Variants in NRCAM observed in about 807,000 individuals in gnomAD.
The protein encoded by NRCAM is neuronal cell adhesion molecule.
Under a neutral mutation model 156.5 loss-of-function variants are expected in NRCAM, and 83 were observed. The ratio of observed to expected loss-of-function variants is 0.53; its 90% CI spans 0.44 to 0.64. The LOEUF is 0.64. Among genes scored for constraint, NRCAM ranks in the 30% least tolerant of loss-of-function variants. The pLI is 0.00. For missense variants in NRCAM, 1,417 were observed against 1,597.3 expected (o/e 0.89, Z 1.92); for synonymous variants, 538 against 563.9 (o/e 0.95, Z 0.65).
intron 3 of NRCAM, among the ~76,000 whole-genome samples, chr7:108,256,938 G>A (rs1025957800): frequency 1.3e-5 from 2 of 151,358 alleles, no homozygotes; most frequent in African/African-American, 4.9e-5. Context: ...GAACCCGGGA[G>A]GTGGAGGTTG....
chr7:108,155,139 CACACATAT>C (rs1349326541), intron 32 of NRCAM, among the ~76,000 whole-genome samples: 28 of 115,718 alleles, frequency 2.4e-4, no homozygotes, highest in African/African-American at 1.1e-3. Context: ...CACACACACA[CACACATAT>C]AGCAGACCTT....
At chr7:108,231,267 C>T (rs999925219) in intron 7 of NRCAM, 114 bp from the exon 8 acceptor site, 5 of 667,644 alleles carry the variant, frequency 7.5e-6, no homozygotes, top group African/African-American at 3.8e-5. Context: ...AATTTATGTA[C>T]ACTAAATTAA....
intron 11 of NRCAM, among the ~76,000 whole-genome samples, chr7:108,215,539 G>A (rs1027876662): frequency 1.3e-5 from 2 of 152,062 alleles, no homozygotes; most frequent in Non-Finnish European, 2.9e-5. Context: ...TTGTGTGGGA[G>A]TCTAAGTGTC....
At chr7:108,259,193 C>T (rs1489983889) in intron 3 of NRCAM, among the ~76,000 whole-genome samples, 3 of 152,204 alleles carry the variant, frequency 2.0e-5, no homozygotes, top group African/African-American at 7.2e-5. Context: ...CTTTTATAAG[C>T]ATACTCATCA....
intron 3 of NRCAM, among the ~76,000 whole-genome samples, chr7:108,256,265 T>TA (rs1385627069): frequency 6.6e-6 from 1 of 151,104 alleles, no homozygotes; most frequent in East Asian, 1.9e-4. Flanking sequence ...GAGACTCCAT[T>TA]TTGTTCTGTA....
intron 1 of NRCAM, among the ~76,000 whole-genome samples, chr7:108,431,193 T>A (rs1563776889): frequency 6.6e-6 from 1 of 152,210 alleles, no homozygotes; most frequent in Non-Finnish European, 1.5e-5. Flanking sequence ...AGAGCTTGAC[T>A]TGCCCAAGGT....
At chr7:108,166,885 G>C in intron 30 of NRCAM, 36 bp downstream of exon 30, 1 of 1,606,154 alleles carries the variant, frequency 6.2e-7, no homozygotes, top group South Asian at 1.1e-5. Context: ...CTCCACCTCT[G>C]AGCGGGAGCC....
chr7:108,200,255 A>T (rs2077241295), intron 13 of NRCAM, among the ~76,000 whole-genome samples: 2 of 152,208 alleles, frequency 1.3e-5, no homozygotes, highest in South Asian at 4.1e-4. Flanking sequence ...CAAATCAAAG[A>T]CAAATACAAG....
At chr7:108,340,844 C>T (rs1007572304) in intron 2 of NRCAM, among the ~76,000 whole-genome samples, 3 of 152,166 alleles carry the variant, frequency 2.0e-5, no homozygotes, top group Non-Finnish European at 4.4e-5. Flanking sequence ...AAGTTTATCA[C>T]TCAGTCAGCT....
chr7:108,400,538 G>C (rs1038754496), intron 1 of NRCAM, among the ~76,000 whole-genome samples: 4 of 152,114 alleles, frequency 2.6e-5, no homozygotes, highest in African/African-American at 9.7e-5. Flanking sequence ...GGAATGGCAC[G>C]CAACTGTCAA....
chr7:108,234,439 G>A (rs2094685727), intron 6 of NRCAM, 144 bp downstream of exon 6: 6 of 617,166 alleles, frequency 9.7e-6, no homozygotes, highest in South Asian at 4.1e-5. Context: ...AATCTAGTGA[G>A]TCACAGTGAG....
chr7:108,387,024 T>C (rs902544423), intron 2 of NRCAM, among the ~76,000 whole-genome samples: 2 of 152,160 alleles, frequency 1.3e-5, no homozygotes, highest in Admixed American at 6.6e-5. Context: ...CTTCCTTCTT[T>C]AATGTATGTC....
chr7:108,442,834 AG>A (rs764698255), intron 1 of NRCAM, among the ~76,000 whole-genome samples: 2 of 152,218 alleles, frequency 1.3e-5, no homozygotes, highest in Non-Finnish European at 2.9e-5. Context: ...GCTCCTGTCT[AG>A]GGCCTTAAAC....
chr7:108,197,059 A>T (rs1485588518), intron 14 of NRCAM, among the ~76,000 whole-genome samples: 2 of 152,180 alleles, frequency 1.3e-5, no homozygotes, highest in African/African-American at 4.8e-5. Context: ...CGTTCATGTC[A>T]TGACCACATG....
intron 7 of NRCAM, among the ~76,000 whole-genome samples, chr7:108,231,582 T>A (rs1051193162): frequency 1.3e-5 from 2 of 152,144 alleles, no homozygotes; most frequent in South Asian, 4.1e-4. Context: ...ATATACACGA[T>A]ATGTCAATAA....
chr7:108,187,614 T>G (rs1033739648), intron 20 of NRCAM, among the ~76,000 whole-genome samples: 12 of 152,178 alleles, frequency 7.9e-5, no homozygotes, highest in Non-Finnish European at 1.5e-4. Flanking sequence ...TAGATATATA[T>G]GAGTTTGAGT....
chr7:108,346,101 T>C (rs1354245895), intron 2 of NRCAM, among the ~76,000 whole-genome samples: 1 of 152,160 alleles, frequency 6.6e-6, no homozygotes, highest in African/African-American at 2.4e-5. Context: ...TAAGAAATTA[T>C]GCAGGCTTCA....
intron 17 of NRCAM, 83 bp downstream of exon 17, chr7:108,193,941 T>C: frequency 5.1e-6 from 7 of 1,376,962 alleles, no homozygotes; most frequent in Non-Finnish European, 7.0e-6. Flanking sequence ...AACATCACCA[T>C]AATTGACTAC....
At chr7:108,393,878 T>C (rs1373828415) in intron 2 of NRCAM, among the ~76,000 whole-genome samples, 1 of 152,160 alleles carries the variant, frequency 6.6e-6, no homozygotes, top group Non-Finnish European at 1.5e-5. Context: ...CCACGTATGG[T>C]GATTGCTGCA....
Sources: allele counts gnomAD v4.1 joint callset (sites outside exome capture counted in the v4.1 genomes callset), GRCh38; gene constraint gnomAD v4.1.1; transcripts MANE v1.5; gene names NCBI Gene and HGNC (gene_info 2026-07-23, HGNC 2026-07-21).